The following ADAMTS2 variants were observed in gnomAD, a reference collection of about 807,000 sequenced individuals.
ADAMTS2 encodes ADAM metallopeptidase with thrombospondin type 1 motif 2.
Under a neutral mutation model 123.0 loss-of-function variants are expected in ADAMTS2, and 50 were observed. That is an observed-to-expected ratio of 0.41 (90% CI 0.32 to 0.51). The LOEUF (loss-of-function observed/expected upper bound fraction) is 0.51, where lower values mean the gene tolerates loss of function less well. Among genes scored for constraint, ADAMTS2 ranks in the 20% least tolerant of loss-of-function variants. The probability of loss-of-function intolerance (pLI) is 0.35; values close to 1 mark genes in which losing one functional copy is unlikely to be tolerated. For missense variants in ADAMTS2, 1,494 were observed against 1,705.2 expected, an observed-to-expected ratio of 0.88 and a Z score of 2.18; for synonymous variants, 678 against 695.4, an observed-to-expected ratio of 0.98 and a Z score of 0.39.
chr5:179,208,311 C>T (rs1764767544), intron 3 of ADAMTS2, among the ~76,000 whole-genome samples: 2 of 152,206 alleles, frequency 1.3e-5, no homozygotes, highest in Admixed American at 1.3e-4. Context: ...TCTCCTTGGG[C>T]CCCTCCCAGA....
chr5:179,273,068 C>G lies in ADAMTS2; in HGVS notation c.535-4G>C. The G allele has an allele frequency of 6.2e-7, 1 of 1,613,530 alleles. No individual in the cohort carries two copies. The highest frequency in any genetic ancestry group is 8.5e-7 in the Non-Finnish European group (1 of 1,180,026). On this transcript the variant is annotated splice_polypyrimidine_tract_variant and splice_region_variant and intron_variant, in intron 2 of 21. Coordinates refer to ENST00000251582, the MANE Select transcript of ADAMTS2 (RefSeq NM_014244.5). ...CCTCCATCCGGATCAGACCAGCCTG[C>G]GGGACAAAGACAACAGGATCAGATT...
chr5:179,310,582 C>T (rs1023325093), intron 2 of ADAMTS2, among the ~76,000 whole-genome samples: 1 of 152,188 alleles, frequency 6.6e-6, no homozygotes, highest in African/African-American at 2.4e-5. Context: ...GATGGTGGTG[C>T]AGAGCCTGGC....
At position 179,129,997 on chromosome 5, in the gene ADAMTS2, T is replaced by C. The variant is rs757160255; in HGVS notation, c.2392A>G (p.Arg798Gly). The C allele has an allele frequency of 1.9e-6, 3 of 1,614,024 alleles. No individual in the cohort carries two copies. The African/African-American group carries it at 4.0e-5, about 22-fold the overall frequency. ...AGCGTCTCCCGGCCGTCCTCGTCTC[T>C]GTACTCCCACTCCACGCCCATGGCA... Reference protein sequence around the residue: ...FIAMGVEWEYRDEDGRETLQT... With the variant: ...FIAMGVEWEYGDEDGRETLQT... The change falls in exon 16 of 22, where the codon AGA (arginine) becomes GGA (glycine). Residue 798 changes from arginine to glycine, a missense_variant. Around this residue, in one of 6 missense-constraint regions of ADAMTS2, gnomAD observed 953 missense variants for 1,124.7 expected, o/e 0.85. Coordinates refer to ENST00000251582, the MANE Select transcript of ADAMTS2 (RefSeq NM_014244.5). The surrounding 1 kb of genome is among the most constrained non-coding windows in gnomAD (Gnocchi z 4.1).
chr5:179,321,257 T>C (rs966122139), intron 2 of ADAMTS2, among the ~76,000 whole-genome samples: 1 of 152,070 alleles, frequency 6.6e-6, no homozygotes, highest in East Asian at 1.9e-4. Flanking sequence ...CACACACATC[T>C]ACACAAGCGC....
intron 3 of ADAMTS2, among the ~76,000 whole-genome samples, chr5:179,208,351 G>T (rs1471287988): frequency 1.3e-5 from 2 of 152,196 alleles, no homozygotes; most frequent in African/African-American, 2.4e-5. Flanking sequence ...ACTGAAGCGA[G>T]GCCCCACATC....
rs1268752438 is a variant in ADAMTS2, at chr5:179,303,412, T to TA, written c.535-30349dup. Among the ~76,000 whole-genome samples, 3 of 152,050 alleles carry TA rather than the reference T, an allele frequency of 2.0e-5. No individual in the cohort carries two copies. Among genetic ancestry groups the TA allele is most frequent in the Non-Finnish European group, 2.9e-5 (2 of 68,012 alleles). On this transcript the variant is annotated intron_variant, in intron 2 of 21. Transcript: ENST00000251582. This position sits in a 1 kb window ranked among gnomAD's most constrained non-coding sequence, Gnocchi z 4.7. The stretch of plus-strand genomic sequence containing the variant: ...CTAGCTGAGGACCCTGCAAAATAAA[T>TA]AACAGCATGCAGATTGGGGAAGAAG...
At chr5:179,238,496 G>A (rs1056875974) in intron 3 of ADAMTS2, among the ~76,000 whole-genome samples, 3 of 152,280 alleles carry the variant, frequency 2.0e-5, no homozygotes, top group East Asian at 1.9e-4. Context: ...GGCAGGTGGT[G>A]CGGGGGGAGC....
Position 179,188,034 on chromosome 5 carries a change from A to C in ADAMTS2, c.892-6879T>G, listed in dbSNP as rs143920338. ...ACTTTGTCCTCTGCCAAGGTGGGGGAGGGGTGCAGAAAGGGGGGAACCGGT... is the reference window on the plus strand; with the variant it reads ...ACTTTGTCCTCTGCCAAGGTGGGGGCGGGGTGCAGAAAGGGGGGAACCGGT... On this transcript the variant is annotated intron_variant, in intron 4 of 21. Transcript: ENST00000251582. The surrounding 1 kb of genome is among the most constrained non-coding windows in gnomAD (Gnocchi z 5.1). Among the ~76,000 whole-genome samples the C allele has an allele frequency of 1.8e-3, 264 of 149,994 alleles. No homozygotes were observed. Among genetic ancestry groups the C allele is most frequent in the African/African-American group, 6.4e-3 (258 of 40,526 alleles).
At chr5:179,223,539 C>CACGAA (rs368810120) in intron 3 of ADAMTS2, among the ~76,000 whole-genome samples, 1,661 of 42,260 alleles carry the variant, frequency 0.039, 32 homozygotes, top group African/African-American at 0.09. Context: ...TGCACTCACA[C>CACGAA]TCACACGAAT....
chr5:179,247,286 G>C (rs1765822414), intron 3 of ADAMTS2, among the ~76,000 whole-genome samples: 1 of 152,108 alleles, frequency 6.6e-6, no homozygotes, highest in Non-Finnish European at 1.5e-5. Context: ...TAGCAGATTT[G>C]AGCAGGCAAA....
At chr5:179,325,139 T>C (rs989370544) in intron 2 of ADAMTS2, among the ~76,000 whole-genome samples, 3 of 152,098 alleles carry the variant, frequency 2.0e-5, no homozygotes, top group Non-Finnish European at 2.9e-5. Context: ...TGACAGTTGA[T>C]GGGTGTGTGT....
At chr5:179,114,456 A>C (rs576939062) in intron 21 of ADAMTS2, 132 bp from the exon 22 acceptor site, 1 of 903,490 alleles carries the variant, frequency 1.1e-6, no homozygotes, top group East Asian at 2.6e-5. Context: ...GAGCCCAGGC[A>C]GAAAGTCTGT....
intron 2 of ADAMTS2, among the ~76,000 whole-genome samples, chr5:179,276,285 GGGTCCAGCACTGAT>G (rs1294813034): frequency 6.6e-6 from 1 of 152,194 alleles, no homozygotes; most frequent in African/African-American, 2.4e-5. Context: ...GGAGTTGGGA[GGGTCCAGCACTGAT>G]GGTCCCGGTG....
intron 3 of ADAMTS2, among the ~76,000 whole-genome samples, chr5:179,239,983 C>G (rs757517482): frequency 1.7e-4 from 26 of 152,046 alleles, no homozygotes; most frequent in Non-Finnish European, 3.2e-4. Flanking sequence ...CACACAGAGG[C>G]CTGGTCCAAG....
Position 179,272,216 on chromosome 5 carries a change from G to T in ADAMTS2, c.688+695C>A, listed in dbSNP as rs531775666. Among the ~76,000 whole-genome samples the T allele has an allele frequency of 4.8e-4, 73 of 152,328 alleles. No homozygotes were observed. The Middle Eastern group carries it at 0.01, about 21-fold the overall frequency. On this transcript the variant is annotated intron_variant, in intron 3 of 21. Coordinates refer to ENST00000251582, the MANE Select transcript of ADAMTS2 (RefSeq NM_014244.5). The surrounding 1 kb of genome is among the most constrained non-coding windows in gnomAD (Gnocchi z 5.8). ...CTGGCACAGTGAGGCCAGATCTGAG[G>T]CGACAGTCATGGACTGTCACCATGG...
chr5:179,287,009 G>A (rs185309789), intron 2 of ADAMTS2, among the ~76,000 whole-genome samples: 18 of 152,210 alleles, frequency 1.2e-4, no homozygotes, highest in African/African-American at 3.6e-4. Context: ...CCTGATCTAC[G>A]GGAGTTTAGG....
chr5:179,137,927 C>T lies in ADAMTS2; in HGVS notation c.1793G>A (p.Arg598His), dbSNP rs1304320729. The T allele has an allele frequency of 2.5e-5, 38 of 1,548,774 alleles. No homozygotes were observed. The highest frequency in any genetic ancestry group is 5.9e-5 in the Admixed American group (3 of 51,242). Reference sequence around the variant, plus strand: ...GTCGTAGGCAAGGCCCGAGCAGGTGCGGCCCCCGTTGGCCGGGCTGGAGGA... The same window carrying T: ...GTCGTAGGCAAGGCCCGAGCAGGTGTGGCCCCCGTTGGCCGGGCTGGAGGA... ...CDNPHPANGG[R>H]TCSGLAYDFQ... is the part of the protein sequence containing the mutation. The change falls in exon 12 of 22, where the codon CGC becomes CAC. Residue 598 changes from arginine to histidine, a missense_variant. Physicochemically the swap from Arg to His is conservative, Grantham distance 29. Transcript: ENST00000251582.
At chr5:179,342,777 C>T (rs1757814200) in intron 2 of ADAMTS2, among the ~76,000 whole-genome samples, 1 of 152,236 alleles carries the variant, frequency 6.6e-6, no homozygotes, top group Non-Finnish European at 1.5e-5. Flanking sequence ...CTGCTGTGTG[C>T]CAGGCCCCGG....
At chr5:179,286,468 G>A (rs1756024708) in intron 2 of ADAMTS2, among the ~76,000 whole-genome samples, 1 of 152,070 alleles carries the variant, frequency 6.6e-6, no homozygotes, top group East Asian at 1.9e-4. Flanking sequence ...GGGTGGCAGG[G>A]GCACATGTCT....
Sources: allele counts gnomAD v4.1 joint callset (sites outside exome capture counted in the v4.1 genomes callset), GRCh38; gene constraint gnomAD v4.1.1; regional missense constraint gnomAD v4.1.1; non-coding constraint Gnocchi (gnomAD v3.1); transcripts MANE v1.5; gene names NCBI Gene and HGNC (gene_info 2026-07-23, HGNC 2026-07-21).